The following ANKS1A variants were observed in gnomAD, a reference collection of about 807,000 sequenced individuals.
ANKS1A encodes the protein ankyrin repeat and sterile alpha motif domain containing 1A.
In ANKS1A, 55 loss-of-function variants were observed where a neutral mutation model predicts 120.3. That is an observed-to-expected ratio of 0.46 (90% CI 0.37 to 0.57). The LOEUF (loss-of-function observed/expected upper bound fraction) is 0.57, where lower values mean the gene tolerates loss of function less well. Ranked by LOEUF, ANKS1A falls within the 20% of genes least tolerant of loss-of-function variation. The pLI is 0.00. For missense variants in ANKS1A, 1,123 were observed against 1,480.3 expected, an observed-to-expected ratio of 0.76 and a Z score of 3.96; for synonymous variants, 590 against 604.7, an observed-to-expected ratio of 0.98 and a Z score of 0.36.
At chr6:35,014,014 TC>T (rs1329835357) in intron 10 of ANKS1A, among the ~76,000 whole-genome samples, 4 of 152,124 alleles carry the variant, frequency 2.6e-5, no homozygotes, top group African/African-American at 4.8e-5. Flanking sequence ...ACCGCAACAA[TC>T]CCCCAATTAA....
chr6:35,086,824 C>T lies in ANKS1A; in HGVS notation c.3304-128C>T. On this transcript the variant is annotated intron_variant, in intron 22 of 23. Coordinates refer to ENST00000360359, the MANE Select transcript of ANKS1A (RefSeq NM_015245.3). The surrounding 1 kb of genome is among the most constrained non-coding windows in gnomAD (Gnocchi z 5.1). Reference sequence around the variant, plus strand: ...CTGCCCCCAGGGGCCTGCTCTTTGGCCGAGGAGAATAAGGGCTGCCCCTCC... The same window carrying T: ...CTGCCCCCAGGGGCCTGCTCTTTGGTCGAGGAGAATAAGGGCTGCCCCTCC... 1.0e-6 allele frequency: 1 copy of T among 954,838 alleles called. No individual in the cohort carries two copies. Among genetic ancestry groups the T allele is most frequent in the Non-Finnish European group, 1.7e-6 (1 of 605,982 alleles). 59.1% of individuals were successfully genotyped at this position (954,838 alleles called of 1,614,324 possible).
intron 23 of ANKS1A, 24 bp downstream of exon 23, chr6:35,087,073 A>G: frequency 6.2e-7 from 1 of 1,605,788 alleles, no homozygotes; most frequent in Non-Finnish European, 8.5e-7. Flanking sequence ...ATCTTCTAAA[A>G]CAACCCACTC....
chr6:35,066,641 G>A lies in ANKS1A; in HGVS notation c.2184+6388G>A, dbSNP rs116300562. Among the ~76,000 whole-genome samples, 392 of 152,262 alleles carry A rather than the reference G, an allele frequency of 2.6e-3. 2 individuals are homozygous for A. The highest frequency in any genetic ancestry group is 8.9e-3 in the African/African-American group (371 of 41,540). On this transcript the variant is annotated intron_variant, in intron 13 of 23. Coordinates refer to ENST00000360359, the MANE Select transcript of ANKS1A (RefSeq NM_015245.3). ...CATCCTTGAGAGCCCTTCCCATGAC[G>A]TGACAGATAACAAGGGCCTCAGAAG...
chr6:34,895,892 C>T (rs930646009), intron 1 of ANKS1A, among the ~76,000 whole-genome samples: 3 of 144,354 alleles, frequency 2.1e-5, no homozygotes, highest in African/African-American at 7.9e-5. Context: ...CGGGTTCAAG[C>T]GATTCTCCTG....
intron 1 of ANKS1A, among the ~76,000 whole-genome samples, chr6:34,923,272 C>T (rs1768532859): frequency 6.6e-6 from 1 of 152,144 alleles, no homozygotes; most frequent in African/African-American, 2.4e-5. Flanking sequence ...GGTGGGGAGT[C>T]TGCTATCAAG....
chr6:35,079,628 T>G lies in ANKS1A; in HGVS notation c.2396T>G (p.Ile799Ser). 6.2e-7 allele frequency: 1 copy of G among 1,614,172 alleles called. No individual in the cohort carries two copies. Among genetic ancestry groups the G allele is most frequent in the Non-Finnish European group, 8.5e-7 (1 of 1,180,026 alleles). The stretch of plus-strand genomic sequence containing the variant: ...TTCTTGTCAAGTGGTTACAGCTCCA[T>G]TGACACCGTGAAGAACCTCTGGGAG... Reference protein sequence around the residue: ...HSFLSSGYSSIDTVKNLWELE... With the variant: ...HSFLSSGYSSSDTVKNLWELE... The change falls in exon 15 of 24, where the codon ATT becomes AGT. Residue 799 changes from isoleucine to serine, a missense_variant. By Grantham distance (142) the Ile-to-Ser change is moderately radical (BLOSUM62 -2). Transcript: ENST00000360359.
At chr6:34,951,320 C>T (rs1185698438) in intron 1 of ANKS1A, among the ~76,000 whole-genome samples, 1 of 151,552 alleles carries the variant, frequency 6.6e-6, no homozygotes. Flanking sequence ...CAGTTTATAA[C>T]TTTTTTACAT....
rs1778213351 is a variant in ANKS1A at position 35,090,005 on chromosome 6, A to G, written c.*1396A>G. The stretch of plus-strand genomic sequence containing the variant: ...GTATGTATGTGCAGGGAGTACTGTT[A>G]GGCACATTCTTAACCCATGTGGTTG... On this transcript the variant is annotated 3_prime_UTR_variant, in exon 24 of 24. Coordinates refer to ENST00000360359, the MANE Select transcript of ANKS1A (RefSeq NM_015245.3). 8.3e-7 allele frequency: 1 copy of G among 1,203,892 alleles called. No individual in the cohort carries two copies. Among genetic ancestry groups the G allele is most frequent in the Non-Finnish European group, 1.1e-6 (1 of 947,646 alleles). 74.6% of individuals were successfully genotyped at this position (1,203,892 alleles called of 1,614,324 possible).
chr6:34,940,782 C>T (rs1015778813), intron 1 of ANKS1A, among the ~76,000 whole-genome samples: 2 of 151,858 alleles, frequency 1.3e-5, no homozygotes, highest in African/African-American at 4.8e-5. Context: ...GTGGCGGGTG[C>T]CTGTAATCCC....
chr6:35,060,057 G>A lies in ANKS1A; in HGVS notation c.2078-90G>A. The A allele has an allele frequency of 2.0e-6, 2 of 999,394 alleles. No individual in the cohort carries two copies. Among genetic ancestry groups the A allele is most frequent in the Non-Finnish European group, 1.5e-6 (1 of 649,190 alleles). 61.9% of individuals were successfully genotyped at this position (999,394 alleles called of 1,614,324 possible). A position where few individuals can be genotyped will look rare whatever the true frequency, so the allele number is the denominator to read the frequency against. ...TGTTTGATGGTAATGACTATGATGT[G>A]GCAATGCCATCTATCTTCCTCTGAG... On this transcript the variant is annotated intron_variant, in intron 12 of 23. Transcript: ENST00000360359. The surrounding 1 kb of genome is among the most constrained non-coding windows in gnomAD (Gnocchi z 4.5).
intron 1 of ANKS1A, among the ~76,000 whole-genome samples, chr6:34,966,098 G>A (rs775740857): frequency 3.3e-5 from 5 of 152,082 alleles, no homozygotes; most frequent in Non-Finnish European, 5.9e-5. Flanking sequence ...GCTGACCTGT[G>A]ACTTTAACCT....
rs1772372259 is a variant in ANKS1A at position 34,989,078 on chromosome 6, G to A, written c.1210-146G>A. On this transcript the variant is annotated intron_variant, in intron 8 of 23. Transcript: ENST00000360359. The stretch of plus-strand genomic sequence containing the variant: ...TATGTATGCACAGAGTTCTCCATCT[G>A]TTCAGAGACGAAACCTTGACTTTAG... 7.2e-5 allele frequency: 44 copies of A among 614,162 alleles called. 2 individuals are homozygous for A. The South Asian group carries it at 8.8e-4, about 12-fold the overall frequency. The allele number at this position is 614,162 out of a possible 1,614,324, so 38.0% of individuals were successfully genotyped here. A position where few individuals can be genotyped will look rare whatever the true frequency, so the allele number is the denominator to read the frequency against.
chr6:35,085,975 G>GT lies in ANKS1A; in HGVS notation c.3303+39_3303+40insT. 1 of 1,553,066 alleles carries GT rather than the reference G, an allele frequency of 6.4e-7. No homozygotes were observed. Among genetic ancestry groups the GT allele is most frequent in the Non-Finnish European group, 8.7e-7 (1 of 1,154,782 alleles). ...ACTGGCCAAGATCCCCCTCTCCCTGGCCCCAGGGATTCAAGGGCTCAGGGT... is the reference window on the plus strand; with the variant it reads ...ACTGGCCAAGATCCCCCTCTCCCTGGTCCCCAGGGATTCAAGGGCTCAGGGT... On this transcript the variant is annotated intron_variant, in intron 22 of 23. Coordinates refer to ENST00000360359, the MANE Select transcript of ANKS1A (RefSeq NM_015245.3). This position sits in a 1 kb window ranked among gnomAD's most constrained non-coding sequence, Gnocchi z 4.7.
intron 23 of ANKS1A, among the ~76,000 whole-genome samples, chr6:35,088,260 A>G (rs900734410): frequency 6.6e-6 from 1 of 152,182 alleles, no homozygotes; most frequent in African/African-American, 2.4e-5. Flanking sequence ...GTGTGGGCAA[A>G]TCAGTTTGGA....
chr6:35,074,596 CCT>C (rs1397794282), intron 13 of ANKS1A, among the ~76,000 whole-genome samples: 1 of 152,186 alleles, frequency 6.6e-6, no homozygotes, highest in Non-Finnish European at 1.5e-5. Context: ...AAGGCGGCTG[CCT>C]CTCTCTGCCT....
intron 1 of ANKS1A, among the ~76,000 whole-genome samples, chr6:34,951,778 C>T (rs115033304): frequency 4.3e-4 from 65 of 152,300 alleles, no homozygotes; most frequent in Middle Eastern, 6.8e-3. Flanking sequence ...AAGTAACAGA[C>T]TTTGTCAGCT....
At chr6:35,076,978 G>A (rs1179787802) in intron 13 of ANKS1A, among the ~76,000 whole-genome samples, 1 of 152,140 alleles carries the variant, frequency 6.6e-6, no homozygotes, top group Non-Finnish European at 1.5e-5. Flanking sequence ...GCGTGGAGTA[G>A]GGAGGGAGTG....
rs1772706009 is a variant in ANKS1A at position 34,993,887 on chromosome 6, G to A, written c.1303-415G>A. ...GATTATGCAGAACACTGTAGGCATG[G>A]GAGACGCAAGAAAGGAAGGATCCTG... On this transcript the variant is annotated intron_variant, in intron 9 of 23. Transcript: ENST00000360359. Among the ~76,000 whole-genome samples the A allele has an allele frequency of 3.9e-5, 6 of 152,304 alleles. No homozygotes were observed. The South Asian group carries it at 8.3e-4, about 21-fold the overall frequency.
chr6:35,030,405 G>A lies in ANKS1A; in HGVS notation c.2010+12346G>A, dbSNP rs1774850655. On this transcript the variant is annotated intron_variant, in intron 11 of 23. Coordinates refer to ENST00000360359, the MANE Select transcript of ANKS1A (RefSeq NM_015245.3). ...CTGTTAGGTTTTTCTTTTGTGACTT[G>A]AAAAGTGAGGTGATGATTTCTGGCA... 1.3e-5 allele frequency among the ~76,000 whole-genome samples: 2 copies of A among 152,132 alleles called. 1 individual carries two copies. The highest frequency in any genetic ancestry group is 2.9e-5 in the Non-Finnish European group (2 of 68,002).
Sources: allele counts gnomAD v4.1 joint callset (sites outside exome capture counted in the v4.1 genomes callset), GRCh38; gene constraint gnomAD v4.1.1; non-coding constraint Gnocchi (gnomAD v3.1); transcripts MANE v1.5; gene names NCBI Gene and HGNC (gene_info 2026-07-23, HGNC 2026-07-21).